The following STXBP6 variants were observed in gnomAD, a reference collection of about 807,000 sequenced individuals.
STXBP6 encodes syntaxin-binding protein 6.
In STXBP6, 21 loss-of-function variants were observed where a neutral mutation model predicts 26.9. The observed-to-expected ratio is 0.78, with a 90% CI of 0.55 to 1.12. STXBP6 has a LOEUF of 1.12. STXBP6 is among the 50% of genes most tolerant of loss of function. STXBP6 has a pLI of 0.00. For missense variants in STXBP6, 232 were observed against 257.9 expected (o/e 0.90, Z 0.69); for synonymous variants, 97 against 92.6 (o/e 1.05, Z -0.27).
chr14:24,992,300 C>T (rs2074493924), intron 1 of STXBP6, among the ~76,000 whole-genome samples: 1 of 152,144 alleles, frequency 6.6e-6, no homozygotes, highest in East Asian at 1.9e-4. Context: ...CTTTGCTTTC[C>T]CTTGGCTCTG....
intron 4 of STXBP6, among the ~76,000 whole-genome samples, chr14:24,828,859 A>G (rs2068369157): frequency 6.6e-6 from 1 of 152,226 alleles, no homozygotes; most frequent in Non-Finnish European, 1.5e-5. Flanking sequence ...AGAATGACAT[A>G]GAGAATTATG....
At chr14:24,865,133 C>G (rs2069673712) in intron 2 of STXBP6, among the ~76,000 whole-genome samples, 1 of 151,764 alleles carries the variant, frequency 6.6e-6, no homozygotes, top group African/African-American at 2.4e-5. Flanking sequence ...ATTTTATGAC[C>G]CAACAATTCT....
intron 2 of STXBP6, among the ~76,000 whole-genome samples, chr14:24,926,950 A>T (rs542945189): frequency 1.4e-4 from 21 of 152,296 alleles, no homozygotes; most frequent in African/African-American, 4.3e-4. Flanking sequence ...AAAAAAAAAT[A>T]AAGTTAATAA....
At chr14:25,002,277 T>C (rs979491015) in intron 1 of STXBP6, among the ~76,000 whole-genome samples, 3 of 151,954 alleles carry the variant, frequency 2.0e-5, no homozygotes, top group Non-Finnish European at 4.4e-5. Flanking sequence ...CACAAAAAGG[T>C]AATAAACTTC....
At position 25,049,146 on chromosome 14, in the gene STXBP6, G is replaced by T. The variant is rs2075767721; in HGVS notation, c.-33+732C>A. 2 of 984,376 alleles carry T rather than the reference G, an allele frequency of 2.0e-6. No homozygotes were observed. Among genetic ancestry groups the T allele is most frequent in the Non-Finnish European group, 2.4e-6 (2 of 828,958 alleles). The allele number at this position is 984,376 out of a possible 1,614,324, so 61.0% of individuals were successfully genotyped here. A position where few individuals can be genotyped will look rare whatever the true frequency, so the allele number is the denominator to read the frequency against. ...TCTGTGAAGATGAACGGGGTGGGGT[G>T]GTGAGGTGGCGGGGTGTTGTAAACC... On this transcript the variant is annotated intron_variant, in intron 1 of 5. Coordinates refer to ENST00000323944, the MANE Select transcript of STXBP6 (RefSeq NM_001394410.1). This position sits in a 1 kb window ranked among gnomAD's most constrained non-coding sequence, Gnocchi z 5.6.
intron 2 of STXBP6, among the ~76,000 whole-genome samples, chr14:24,964,425 A>G (rs2073660770): frequency 6.6e-6 from 1 of 152,122 alleles, no homozygotes; most frequent in African/African-American, 2.4e-5. Context: ...AAAATTCTGC[A>G]TATGGTTTAG....
intron 2 of STXBP6, among the ~76,000 whole-genome samples, chr14:24,903,739 C>A (rs1344086151): frequency 6.6e-6 from 1 of 152,124 alleles, no homozygotes; most frequent in South Asian, 2.1e-4. Flanking sequence ...CTTAAAAACC[C>A]AGTTTAAAGC....
intron 1 of STXBP6, among the ~76,000 whole-genome samples, chr14:24,982,975 C>T (rs1319954543): frequency 6.6e-6 from 1 of 152,216 alleles, no homozygotes; most frequent in Non-Finnish European, 1.5e-5. Flanking sequence ...TCATAAGCAT[C>T]ACTCATTCCA....
At chr14:25,018,874 C>T (rs575507026) in intron 1 of STXBP6, among the ~76,000 whole-genome samples, 1 of 152,214 alleles carries the variant, frequency 6.6e-6, no homozygotes, top group East Asian at 1.9e-4. Context: ...AAGAACACAC[C>T]ATGGGCCAGA....
At chr14:24,882,433 TAAGGGACTTGGTCCCA>T (rs905672132) in intron 2 of STXBP6, among the ~76,000 whole-genome samples, 6 of 118,874 alleles carry the variant, frequency 5.0e-5, no homozygotes, top group Non-Finnish European at 6.7e-5. Flanking sequence ...TTCCCATACC[TAAGGGACTTGGTCCCA>T]ACTTCCTTAA....
intron 4 of STXBP6, among the ~76,000 whole-genome samples, chr14:24,831,556 T>A (rs2068453767): frequency 2.6e-5 from 4 of 152,196 alleles, no homozygotes. Flanking sequence ...AATTGAATGG[T>A]TTTGTACTAA....
intron 4 of STXBP6, among the ~76,000 whole-genome samples, chr14:24,844,819 T>G (rs371408168): frequency 1.6e-4 from 24 of 152,282 alleles, no homozygotes; most frequent in African/African-American, 5.8e-4. Flanking sequence ...AATGATTATA[T>G]ATTAAATAAA....
At chr14:24,913,774 A>T (rs1446847104) in intron 2 of STXBP6, among the ~76,000 whole-genome samples, 3 of 152,114 alleles carry the variant, frequency 2.0e-5, no homozygotes, top group African/African-American at 7.2e-5. Context: ...CTTTGGAAAA[A>T]CCCTGCTACT....
intron 2 of STXBP6, among the ~76,000 whole-genome samples, chr14:24,918,328 A>G (rs562694231): frequency 6.6e-6 from 1 of 152,150 alleles, no homozygotes; most frequent in East Asian, 1.9e-4. Context: ...AAGGGGACAC[A>G]GGAATGACCT....
chr14:24,974,560 G>A, intron 2 of STXBP6, 105 bp downstream of exon 2: 3 of 1,033,984 alleles, frequency 2.9e-6, no homozygotes, highest in Non-Finnish European at 4.1e-6. Context: ...GCAAGACAGT[G>A]CAGACACCTA....
intron 2 of STXBP6, among the ~76,000 whole-genome samples, chr14:24,862,249 T>C (rs1012809833): frequency 6.6e-6 from 1 of 152,120 alleles, no homozygotes; most frequent in Non-Finnish European, 1.5e-5. Context: ...CCTCCCACCT[T>C]GTCCTCCCAG....
chr14:25,010,922 G>A (rs998694465), intron 1 of STXBP6, among the ~76,000 whole-genome samples: 2 of 152,104 alleles, frequency 1.3e-5, no homozygotes, highest in Admixed American at 6.6e-5. Flanking sequence ...CTGACTTTCT[G>A]TATTCTAAAA....
chr14:24,864,754 T>C (rs2069660993), intron 2 of STXBP6, among the ~76,000 whole-genome samples: 1 of 152,186 alleles, frequency 6.6e-6, no homozygotes, highest in Admixed American at 6.6e-5. Flanking sequence ...AAGCATAAGC[T>C]GTCAAATATA....
At chr14:24,891,153 G>GAAC (rs1480884709) in intron 2 of STXBP6, among the ~76,000 whole-genome samples, 1 of 152,170 alleles carries the variant, frequency 6.6e-6, no homozygotes, top group Non-Finnish European at 1.5e-5. Flanking sequence ...ACTTTGGACA[G>GAAC]TATGTTAATT....
Sources: allele counts gnomAD v4.1 joint callset (sites outside exome capture counted in the v4.1 genomes callset), GRCh38; gene constraint gnomAD v4.1.1; non-coding constraint Gnocchi (gnomAD v3.1); transcripts MANE v1.5; gene names NCBI Gene and HGNC (gene_info 2026-07-23, HGNC 2026-07-21).